The following ABCA4 variants were observed in gnomAD, a reference collection of about 807,000 sequenced individuals.
ABCA4 encodes the protein ATP binding cassette subfamily A member 4, also known as retinal-specific phospholipid-transporting ATPase ABCA4.
ABCA4 carries 196 observed loss-of-function variants against 263.7 expected under a neutral mutation model. The ratio of observed to expected loss-of-function variants is 0.74; its 90% CI spans 0.66 to 0.84. The LOEUF (loss-of-function observed/expected upper bound fraction) is 0.84, where lower values mean the gene tolerates loss of function less well. Among genes scored for constraint, ABCA4 ranks in the 40% least tolerant of loss-of-function variants. The pLI is 0.00. For synonymous variants in ABCA4, 1,133 were observed against 1,094.2 expected (o/e 1.04, Z -0.70); for missense variants, 2,792 against 2,855.1 (o/e 0.98, Z 0.50).
chr1:94,044,627 G>A lies in ABCA4; in HGVS notation c.3036C>T (p.Asn1012=), dbSNP rs1660619755. ...RQSLGMCPQH[N]ILFHHLTVAE... ...GTGTCGCTTACTGGTGGAACAGGAT[G>A]TTGTGCTGTGGACACATGCCAAGGC... The change falls in exon 20 of 50, where the codon AAC becomes AAT. Residue 1012 remains asparagine (N), a synonymous_variant. Transcript: ENST00000370225. 1 of 1,614,116 alleles carries A rather than the reference G, an allele frequency of 6.2e-7. No individual in the cohort carries two copies. The highest frequency in any genetic ancestry group is 1.1e-5 in the South Asian group (1 of 91,084).
intron 14 of ABCA4, among the ~76,000 whole-genome samples, chr1:94,060,090 T>C (rs1661078345): frequency 6.6e-6 from 1 of 152,176 alleles, no homozygotes; most frequent in African/African-American, 2.4e-5. Flanking sequence ...AATCCAGATC[T>C]CCTCCCCTAC....
Position 94,111,527 on chromosome 1 carries a change from C to T in ABCA4, c.213G>A (p.Gln71=). 6.2e-7 allele frequency: 1 copy of T among 1,614,228 alleles called. No homozygotes were observed. Among genetic ancestry groups the T allele is most frequent in the Non-Finnish European group, 8.5e-7 (1 of 1,180,040 alleles). ...GATTGTTCACATTGCAGAAGATCCC[C>T]TGGAGCCACGGCAGCATTCCTGCTG... ...MPSAGMLPWL[Q]GIFCNVNNPC... is the part of the protein sequence containing the mutation. Residue 71 remains glutamine, a synonymous_variant, in exon 3 of 50, where the codon CAG becomes CAA. Transcript: ENST00000370225.
At chr1:94,024,926 TA>T (rs1659996014) in intron 31 of ABCA4, 27 bp downstream of exon 31, 2 of 1,573,102 alleles carry the variant, frequency 1.3e-6, no homozygotes, top group Non-Finnish European at 1.8e-6. Context: ...GGAGCCAGGA[TA>T]AAAAGCATAA....
intron 36 of ABCA4, among the ~76,000 whole-genome samples, chr1:94,016,308 G>T (rs1193109477): frequency 1.3e-5 from 2 of 152,234 alleles, no homozygotes; most frequent in African/African-American, 2.4e-5. Context: ...GGGGTTAGGG[G>T]AGGAGCCATG....
intron 16 of ABCA4, 87 bp from the exon 17 acceptor site, chr1:94,051,785 T>C: frequency 1.0e-6 from 1 of 978,228 alleles, no homozygotes; most frequent in Non-Finnish European, 1.6e-6. Flanking sequence ...AGAGTTTATT[T>C]ACCTGAACCT....
intron 36 of ABCA4, among the ~76,000 whole-genome samples, chr1:94,017,326 A>T (rs1659770312): frequency 6.6e-6 from 1 of 152,180 alleles, no homozygotes; most frequent in African/African-American, 2.4e-5. Flanking sequence ...ATGCAGTGAG[A>T]ACACAGCATC....
intron 1 of ABCA4, among the ~76,000 whole-genome samples, chr1:94,119,002 A>G (rs1180763744): frequency 6.6e-6 from 1 of 152,174 alleles, no homozygotes; most frequent in Non-Finnish European, 1.5e-5. Context: ...TTCTTATGGG[A>G]AAGAGAGAAC....
At chr1:94,008,684 GA>G in intron 41 of ABCA4, 66 bp downstream of exon 41, 1 of 1,608,994 alleles carries the variant, frequency 6.2e-7, no homozygotes, top group Non-Finnish European at 8.5e-7. Context: ...TCTATAGAAG[GA>G]AAATGGCAAC....
intron 6 of ABCA4, among the ~76,000 whole-genome samples, chr1:94,085,337 C>G (rs1262563905): frequency 6.6e-6 from 1 of 152,156 alleles, no homozygotes; most frequent in Non-Finnish European, 1.5e-5. Flanking sequence ...TTATTATTCA[C>G]TCTACTTTCA....
intron 38 of ABCA4, among the ~76,000 whole-genome samples, chr1:94,012,812 C>T (rs1026692425): frequency 4.6e-5 from 7 of 152,132 alleles, no homozygotes; most frequent in African/African-American, 9.7e-5. Context: ...CCGACTGGAA[C>T]GGGAGCCTCT....
intron 22 of ABCA4, 124 bp from the exon 23 acceptor site, chr1:94,041,526 C>A: frequency 5.1e-6 from 5 of 976,542 alleles, no homozygotes; most frequent in Non-Finnish European, 7.8e-6. Flanking sequence ...AAAAAAAAAC[C>A]CAAGGGAACT....
intron 2 of ABCA4, 114 bp downstream of exon 2, chr1:94,112,859 T>C (rs1662647516): frequency 1.3e-6 from 1 of 794,796 alleles, no homozygotes; most frequent in African/African-American, 1.7e-5. Context: ...ATCATAGACA[T>C]GAAATGATGA....
intron 11 of ABCA4, among the ~76,000 whole-genome samples, chr1:94,068,867 TG>T (rs1661339059): frequency 6.6e-6 from 1 of 152,164 alleles, no homozygotes; most frequent in African/African-American, 2.4e-5. Context: ...TCTGGGCAAA[TG>T]TTATAGCCGG....
chr1:94,073,797 T>C (rs1017091411), intron 11 of ABCA4, among the ~76,000 whole-genome samples: 5 of 151,338 alleles, frequency 3.3e-5, no homozygotes, highest in African/African-American at 1.2e-4. Flanking sequence ...TATGTCACGA[T>C]ACGAATGTCA....
At chr1:94,026,053 A>G (rs893035407) in intron 30 of ABCA4, among the ~76,000 whole-genome samples, 10 of 152,236 alleles carry the variant, frequency 6.6e-5, no homozygotes, top group East Asian at 1.9e-4. Context: ...TTTGTCCACC[A>G]GGTGGCAATA....
At chr1:94,037,041 A>G in intron 25 of ABCA4, 104 bp downstream of exon 25, 1 of 1,241,910 alleles carries the variant, frequency 8.1e-7, no homozygotes, top group East Asian at 2.3e-5. Context: ...TGGGTGGGGA[A>G]CGATGGCTTT....
chr1:94,102,474 C>G (rs1353251936), intron 5 of ABCA4, among the ~76,000 whole-genome samples: 3 of 151,944 alleles, frequency 2.0e-5, no homozygotes, highest in African/African-American at 7.3e-5. Context: ...CTCAGGAAGG[C>G]CTTCCTGAGC....
Position 94,036,741 on chromosome 1 carries a change from C to A in ABCA4, c.3861G>T (p.Ala1287=), listed in dbSNP as rs768475253. The change falls in exon 26 of 50, where the codon GCG becomes GCT. Residue 1287 remains alanine (A), a splice_region_variant and synonymous_variant. Transcript: ENST00000370225. ...AAGCCACTGGCTCCAGCACCATACC[C>A]GCAAACAGAGGTCCTGAATCAGAAT... is the stretch of plus-strand genomic sequence containing the variant. ...TEDSDSGPLF[A]GGAQQKRENV... 1 of 1,614,054 alleles carries A rather than the reference C, an allele frequency of 6.2e-7. No homozygotes were observed. Among genetic ancestry groups the A allele is most frequent in the Non-Finnish European group, 8.5e-7 (1 of 1,179,976 alleles).
intron 6 of ABCA4, among the ~76,000 whole-genome samples, chr1:94,091,565 T>G (rs1008822986): frequency 6.9e-6 from 1 of 145,360 alleles, no homozygotes; most frequent in African/African-American, 2.6e-5. Context: ...CAGATCAAAA[T>G]GGCAAACATC....
Sources: gnomAD v4.1 joint callset for allele counts (sites outside exome capture counted in the v4.1 genomes callset) on GRCh38, gnomAD v4.1.1 for gene constraint, MANE v1.5 for transcripts, NCBI Gene and HGNC (gene_info 2026-07-23, HGNC 2026-07-21) for gene names.